DEPTOR: variants seen among roughly 807,000 people sequenced by gnomAD.
The protein encoded by DEPTOR is DEP domain-containing mTOR-interacting protein.
A neutral mutation model predicts 41.6 loss-of-function variants in DEPTOR; 41 were observed. The ratio of observed to expected loss-of-function variants is 0.98; its 90% CI spans 0.77 to 1.28. The LOEUF is 1.28. Among genes scored for constraint, DEPTOR ranks in the 50% most tolerant of loss-of-function variants. The probability of loss-of-function intolerance (pLI) is 0.00; values close to 1 mark genes in which losing one functional copy is unlikely to be tolerated. For synonymous variants in DEPTOR, 195 were observed against 192.3 expected (o/e 1.01, Z -0.12); for missense variants, 514 against 527.9 (o/e 0.97, Z 0.26).
intron 7 of DEPTOR, among the ~76,000 whole-genome samples, chr8:120,007,733 G>A (rs557102316): frequency 2.7e-4 from 41 of 152,262 alleles, no homozygotes; most frequent in African/African-American, 8.4e-4. Flanking sequence ...TGAATGCTGA[G>A]GAGTTAATAG....
rs541922588 is a variant in DEPTOR at position 119,882,684 on chromosome 8, G to C, written c.122+8716G>C. ...TCAGCCTCCCAAAGTGCTGATATTA[G>C]AGGCCATCAGCACCAGCTTCTTGTC... is the stretch of plus-strand genomic sequence containing the variant. On this transcript the variant is annotated intron_variant, in intron 1 of 8. Transcript: ENST00000286234. 3.9e-5 allele frequency among the ~76,000 whole-genome samples: 6 copies of C among 152,036 alleles called. 1 individual carries two copies. Among genetic ancestry groups the C allele is most frequent in the Admixed American group, 3.3e-4 (5 of 15,246 alleles).
At chr8:120,016,434 G>A (rs1221955197) in intron 8 of DEPTOR, among the ~76,000 whole-genome samples, 3 of 151,968 alleles carry the variant, frequency 2.0e-5, no homozygotes, top group Non-Finnish European at 4.4e-5. Flanking sequence ...AAGTAGCTGG[G>A]ATTACAGGTG....
At chr8:119,886,512 G>T (rs947536136) in intron 1 of DEPTOR, among the ~76,000 whole-genome samples, 1 of 150,714 alleles carries the variant, frequency 6.6e-6, no homozygotes, top group Non-Finnish European at 1.5e-5. Context: ...TATACACACA[G>T]ATACACACAC....
intron 3 of DEPTOR, among the ~76,000 whole-genome samples, chr8:119,936,215 G>C (rs1828111239): frequency 6.6e-6 from 1 of 152,094 alleles, no homozygotes; most frequent in Non-Finnish European, 1.5e-5. Flanking sequence ...AAGGGAGAGA[G>C]TACATCCAAA....
chr8:119,980,191 TA>T (rs1828744784), intron 4 of DEPTOR, among the ~76,000 whole-genome samples: 1 of 151,624 alleles, frequency 6.6e-6, no homozygotes, highest in African/African-American at 2.4e-5. Flanking sequence ...TGGGTTAAAT[TA>T]ATCTTCATAA....
At chr8:120,018,962 G>A (rs1812654234) in intron 8 of DEPTOR, among the ~76,000 whole-genome samples, 1 of 152,166 alleles carries the variant, frequency 6.6e-6, no homozygotes, top group African/African-American at 2.4e-5. Context: ...CATTATGTTA[G>A]ACCTTCATGG....
At chr8:119,992,066 G>A (rs1812181696) in intron 4 of DEPTOR, among the ~76,000 whole-genome samples, 1 of 152,178 alleles carries the variant, frequency 6.6e-6, no homozygotes, top group Admixed American at 6.5e-5. Flanking sequence ...CTAAGGAATA[G>A]GTCTACCATC....
chr8:119,879,110 C>A (rs1287653733), intron 1 of DEPTOR, among the ~76,000 whole-genome samples: 4 of 147,300 alleles, frequency 2.7e-5, no homozygotes, highest in African/African-American at 5.0e-5. Context: ...AACTCGGTCT[C>A]AAAAAAAAAA....
At chr8:119,961,609 T>C (rs116680109) in intron 3 of DEPTOR, among the ~76,000 whole-genome samples, 2,039 of 152,158 alleles carry the variant, frequency 0.013, 41 homozygotes, top group African/African-American at 0.046. Flanking sequence ...AATGCAATGA[T>C]TGATAGGTAT....
chr8:119,886,937 G>A (rs1041110809), intron 1 of DEPTOR, among the ~76,000 whole-genome samples: 1 of 152,126 alleles, frequency 6.6e-6, no homozygotes, highest in African/African-American at 2.4e-5. Flanking sequence ...AGTACTAGCT[G>A]TGAGAGATAC....
At chr8:119,895,333 T>C (rs962907205) in intron 1 of DEPTOR, among the ~76,000 whole-genome samples, 6 of 152,180 alleles carry the variant, frequency 3.9e-5, no homozygotes, top group Non-Finnish European at 7.3e-5. Flanking sequence ...GTGAAGTAGA[T>C]AAAGGTGAAT....
At chr8:119,897,746 C>T (rs562952967) in intron 1 of DEPTOR, among the ~76,000 whole-genome samples, 47 of 152,132 alleles carry the variant, frequency 3.1e-4, no homozygotes, top group Non-Finnish European at 5.4e-4. Context: ...CTGCTTGCCT[C>T]GGCCTCCCAA....
intron 1 of DEPTOR, among the ~76,000 whole-genome samples, chr8:119,899,763 A>C (rs1827563157): frequency 6.6e-6 from 1 of 152,146 alleles, no homozygotes; most frequent in South Asian, 2.1e-4. Flanking sequence ...GAAATATCTT[A>C]CCTATCTAAT....
chr8:119,910,124 T>C (rs115602928), intron 1 of DEPTOR, among the ~76,000 whole-genome samples: 1,716 of 152,330 alleles, frequency 0.011, 32 homozygotes, highest in African/African-American at 0.039. Context: ...CCTCATCATA[T>C]ACAGGCATAT....
intron 6 of DEPTOR, among the ~76,000 whole-genome samples, chr8:120,005,582 C>T (rs749441027): frequency 3.7e-4 from 56 of 152,202 alleles, no homozygotes; most frequent in Admixed American, 3.3e-4. Flanking sequence ...TCGGAGGATG[C>T]CACCTCACCA....
At chr8:119,938,273 T>C (rs1194555601) in intron 3 of DEPTOR, among the ~76,000 whole-genome samples, 1 of 152,196 alleles carries the variant, frequency 6.6e-6, no homozygotes, top group African/African-American at 2.4e-5. Flanking sequence ...TATAAGTAAA[T>C]GTCATAAACA....
chr8:120,019,929 G>C (rs111617525), intron 8 of DEPTOR, among the ~76,000 whole-genome samples: 1 of 151,962 alleles, frequency 6.6e-6, no homozygotes, highest in African/African-American at 2.4e-5. Flanking sequence ...CACACTGCTC[G>C]TTACTGAGGA....
Position 120,009,065 on chromosome 8 carries a change from C to A in DEPTOR, c.1033C>A (p.Arg345=). 9 of 1,613,946 alleles carry A rather than the reference C, an allele frequency of 5.6e-6. No individual in the cohort carries two copies. The highest frequency in any genetic ancestry group is 7.6e-6 in the Non-Finnish European group (9 of 1,179,996). Residue 345 remains arginine (R), a synonymous_variant, in exon 8 of 9, where the codon CGA becomes AGA. Transcript: ENST00000286234. ...CGCGGTTGGCTGGGGTTTTGTGGTG[C>A]GAGGAAGTAAGCCATGCCACATCCA... The part of the protein sequence containing the change: ...GDAVGWGFVV[R]GSKPCHIQAV...
intron 5 of DEPTOR, among the ~76,000 whole-genome samples, 186 bp from the exon 6 acceptor site, chr8:120,002,791 A>ATATATATATATATATATATATATATAT (rs1554584639): frequency 1.6e-5 from 1 of 60,670 alleles, no homozygotes; most frequent in Non-Finnish European, 2.9e-5. Context: ...AAAAAAAAAA[A>ATATATATATATATATATATATATATAT]ATATATATAT....
Sources: allele counts gnomAD v4.1 joint callset (sites outside exome capture counted in the v4.1 genomes callset), GRCh38; gene constraint gnomAD v4.1.1; transcripts MANE v1.5; gene names NCBI Gene and HGNC (gene_info 2026-07-23, HGNC 2026-07-21).